TSHR: variants seen among roughly 807,000 people sequenced by gnomAD.
TSHR encodes the protein thyroid stimulating hormone receptor, also known as thyrotropin receptor.
In TSHR, 51 loss-of-function variants were observed where a neutral mutation model predicts 64.1. The ratio of observed to expected loss-of-function variants is 0.80; its 90% CI spans 0.64 to 1.01. The LOEUF (loss-of-function observed/expected upper bound fraction) is 1.01. TSHR is among the 50% of genes least tolerant of loss of function. The probability of loss-of-function intolerance (pLI) is 0.00; values close to 1 mark genes in which losing one functional copy is unlikely to be tolerated. For missense variants in TSHR, 877 were observed against 942.8 expected (o/e 0.93, Z 0.91); for synonymous variants, 361 against 361.9 (o/e 1.00, Z 0.03).
At chr14:81,061,537 A>T (rs1886241935) in intron 1 of TSHR, among the ~76,000 whole-genome samples, 1 of 152,108 alleles carries the variant, frequency 6.6e-6, no homozygotes, top group African/African-American at 2.4e-5. Context: ...GCAAACTAAC[A>T]GAGGAACAGA....
intron 7 of TSHR, among the ~76,000 whole-genome samples, chr14:81,097,963 G>A (rs537327366): frequency 7.0e-6 from 1 of 143,584 alleles, no homozygotes; most frequent in South Asian, 2.1e-4. Flanking sequence ...ATCGAGTAAG[G>A]TGATACTTAC....
chr14:81,092,984 G>A (rs1435936318), intron 6 of TSHR, among the ~76,000 whole-genome samples: 2 of 152,170 alleles, frequency 1.3e-5, no homozygotes, highest in Admixed American at 1.3e-4. Flanking sequence ...TTTATTTATA[G>A]AAAGAGGCAG....
At chr14:81,137,483 C>T (rs1283121938) in intron 8 of TSHR, among the ~76,000 whole-genome samples, 1 of 152,146 alleles carries the variant, frequency 6.6e-6, no homozygotes. Flanking sequence ...CAGCAACAGT[C>T]CCAGCTGAGC....
At chr14:81,001,002 C>A (rs996086496) in intron 1 of TSHR, among the ~76,000 whole-genome samples, 1 of 152,036 alleles carries the variant, frequency 6.6e-6, no homozygotes, top group African/African-American at 2.4e-5. Context: ...CAAGGACAGG[C>A]GATTCTAGGC....
chr14:81,125,652 C>A (rs1277558726), intron 8 of TSHR, among the ~76,000 whole-genome samples: 1 of 152,082 alleles, frequency 6.6e-6, no homozygotes, highest in South Asian at 2.1e-4. Context: ...CCAAGTGAAG[C>A]TCTTGGTGCA....
intron 1 of TSHR, among the ~76,000 whole-genome samples, chr14:81,000,127 T>C (rs1288844065): frequency 6.6e-6 from 1 of 152,072 alleles, no homozygotes; most frequent in African/African-American, 2.4e-5. Flanking sequence ...AGACAGGGTT[T>C]CACCATGTTG....
At chr14:80,962,562 G>A (rs530636418) in intron 1 of TSHR, among the ~76,000 whole-genome samples, 229 of 152,254 alleles carry the variant, frequency 1.5e-3, no homozygotes, top group Admixed American at 2.6e-3. Context: ...TACAAACATT[G>A]TATTTCCAAG....
chr14:80,990,294 T>A (rs1290398903), intron 1 of TSHR, among the ~76,000 whole-genome samples: 2 of 152,254 alleles, frequency 1.3e-5, no homozygotes, highest in Non-Finnish European at 2.9e-5. Context: ...AAGCAAGGTA[T>A]CTGTGGCCAG....
chr14:81,099,016 A>T (rs921873944), intron 7 of TSHR, among the ~76,000 whole-genome samples: 1 of 152,182 alleles, frequency 6.6e-6, no homozygotes, highest in African/African-American at 2.4e-5. Context: ...TTCAAGATAG[A>T]GTATAAAATT....
chr14:81,085,294 T>C (rs183603579), intron 3 of TSHR, among the ~76,000 whole-genome samples: 1 of 152,284 alleles, frequency 6.6e-6, no homozygotes, highest in East Asian at 1.9e-4. Flanking sequence ...ACCATTTAGC[T>C]AAACTACTGG....
intron 1 of TSHR, among the ~76,000 whole-genome samples, chr14:81,008,377 T>G (rs1386575920): frequency 1.3e-5 from 2 of 152,108 alleles, no homozygotes; most frequent in Non-Finnish European, 2.9e-5. Context: ...TTTCACCTTG[T>G]TAGCCAGGAT....
chr14:81,121,571 G>T lies in TSHR; in HGVS notation c.692+13119G>T, dbSNP rs187885423. Among the ~76,000 whole-genome samples the T allele has an allele frequency of 2.0e-5, 3 of 152,246 alleles. No homozygotes were observed. In the East Asian group the frequency reaches 5.8e-4, roughly 29 times the overall value. ...ATCCCCAGGATGACCACAAAGGGAG[G>T]TCTGAGGAATCTTGGGAACATGATG... On this transcript the variant is annotated intron_variant, in intron 8 of 9. Coordinates refer to ENST00000298171, the MANE Select transcript of TSHR (RefSeq NM_000369.5).
At chr14:81,073,795 C>T (rs915994437) in intron 3 of TSHR, among the ~76,000 whole-genome samples, 2 of 151,918 alleles carry the variant, frequency 1.3e-5, no homozygotes, top group Non-Finnish European at 2.9e-5. Flanking sequence ...ACATTAAAAC[C>T]AAAGAAAGTA....
At chr14:81,050,506 A>G (rs915568823) in intron 1 of TSHR, 1 of 151,682 alleles carries the variant, frequency 6.6e-6, no homozygotes, top group Admixed American at 6.6e-5. Flanking sequence ...ATTTCTCATC[A>G]TCAATAAATT....
At chr14:81,075,794 A>G (rs1182668261) in intron 3 of TSHR, among the ~76,000 whole-genome samples, 5 of 151,786 alleles carry the variant, frequency 3.3e-5, no homozygotes, top group East Asian at 1.9e-4. Context: ...CCCATTACTG[A>G]GTATATACCC....
At chr14:80,989,704 C>T (rs1421878866) in intron 1 of TSHR, among the ~76,000 whole-genome samples, 1 of 152,138 alleles carries the variant, frequency 6.6e-6, no homozygotes, top group East Asian at 1.9e-4. Flanking sequence ...ATTTTAGTCT[C>T]ACTTCTATTC....
chr14:81,032,017 C>G (rs1193819626), intron 1 of TSHR, among the ~76,000 whole-genome samples: 1 of 152,124 alleles, frequency 6.6e-6, no homozygotes, highest in Non-Finnish European at 1.5e-5. Flanking sequence ...CAGTGATTCC[C>G]CAGTTACTTA....
intron 8 of TSHR, among the ~76,000 whole-genome samples, chr14:81,131,610 C>G (rs1891252225): frequency 6.6e-6 from 1 of 152,196 alleles, no homozygotes; most frequent in South Asian, 2.1e-4. Flanking sequence ...GTGCACTCCT[C>G]ACAGTCTTTA....
intron 1 of TSHR, among the ~76,000 whole-genome samples, chr14:80,956,995 T>A (rs894159442): frequency 2.6e-5 from 4 of 152,112 alleles, no homozygotes; most frequent in Admixed American, 2.6e-4. Context: ...AGAATAAAAT[T>A]CTTTTGTGCA....
Sources: gnomAD v4.1 joint callset for allele counts (sites outside exome capture counted in the v4.1 genomes callset) on GRCh38, gnomAD v4.1.1 for gene constraint, MANE v1.5 for transcripts, NCBI Gene and HGNC (gene_info 2026-07-23, HGNC 2026-07-21) for gene names.